Variants in GPC6 observed in about 807,000 individuals in gnomAD.
The protein encoded by GPC6 is glypican 6.
A neutral mutation model predicts 55.2 loss-of-function variants in GPC6; 14 were observed. That is an observed-to-expected ratio of 0.25 (90% confidence interval 0.17 to 0.40). The LOEUF (loss-of-function observed/expected upper bound fraction) is 0.40, where lower values mean the gene tolerates loss of function less well. Ranked by LOEUF, GPC6 falls within the 10% of genes least tolerant of loss-of-function variation. GPC6 has a pLI of 1.00. For synonymous variants in GPC6, 278 were observed against 259.6 expected (o/e 1.07, Z -0.68); for missense variants, 641 against 708.5 (o/e 0.90, Z 1.08).
chr13:94,007,341 A>G (rs903854421), intron 3 of GPC6, among the ~76,000 whole-genome samples: 1 of 152,238 alleles, frequency 6.6e-6, no homozygotes, highest in Admixed American at 6.5e-5. Context: ...AGCAGTGAAC[A>G]GTGAAGACAG....
chr13:94,085,026 T>C (rs1217774317), intron 4 of GPC6, among the ~76,000 whole-genome samples: 1 of 151,866 alleles, frequency 6.6e-6, no homozygotes, highest in East Asian at 1.9e-4. Context: ...ATAATTCATG[T>C]ATAAAAAGAG....
At chr13:93,995,698 A>G (rs1344261477) in intron 3 of GPC6, among the ~76,000 whole-genome samples, 2 of 152,222 alleles carry the variant, frequency 1.3e-5, no homozygotes, top group African/African-American at 4.8e-5. Flanking sequence ...TTACATAATG[A>G]TGGCATAAGA....
At chr13:93,392,456 G>T (rs1875667255) in intron 1 of GPC6, among the ~76,000 whole-genome samples, 1 of 152,114 alleles carries the variant, frequency 6.6e-6, no homozygotes, top group African/African-American at 2.4e-5. Context: ...CCTTAAGGAG[G>T]CCCCTTAATT....
intron 7 of GPC6, among the ~76,000 whole-genome samples, chr13:94,384,757 C>T (rs1880326528): frequency 6.6e-6 from 1 of 152,166 alleles, no homozygotes. Context: ...GGGAATCTCC[C>T]AAATCCTAGC....
At chr13:94,326,270 A>G (rs1877112986) in intron 6 of GPC6, among the ~76,000 whole-genome samples, 1 of 151,460 alleles carries the variant, frequency 6.6e-6, no homozygotes, top group African/African-American at 2.4e-5. Context: ...GAATTATCTT[A>G]CCTTATTTAT....
intron 7 of GPC6, among the ~76,000 whole-genome samples, chr13:94,384,346 G>A (rs1880307023): frequency 6.6e-6 from 1 of 152,192 alleles, no homozygotes; most frequent in African/African-American, 2.4e-5. Flanking sequence ...TTTTCCCGAT[G>A]ACTGTACAGA....
At chr13:93,487,688 A>G (rs941033522) in intron 1 of GPC6, among the ~76,000 whole-genome samples, 11 of 152,224 alleles carry the variant, frequency 7.2e-5, no homozygotes, top group Admixed American at 3.9e-4. Flanking sequence ...GCTGTTCAGG[A>G]AAGAAGTAGG....
chr13:93,435,975 A>G (rs1253992633), intron 1 of GPC6, among the ~76,000 whole-genome samples: 2 of 152,160 alleles, frequency 1.3e-5, no homozygotes, highest in Admixed American at 1.3e-4. Context: ...TGCAGCTCTC[A>G]GAGAAAGTCA....
intron 2 of GPC6, among the ~76,000 whole-genome samples, chr13:93,545,686 A>C (rs1874751561): frequency 6.6e-6 from 1 of 152,100 alleles, no homozygotes; most frequent in African/African-American, 2.4e-5. Flanking sequence ...ATTTAGCTCA[A>C]GTTTTCATTA....
At chr13:93,260,930 G>A (rs1040386017) in intron 1 of GPC6, among the ~76,000 whole-genome samples, 2 of 152,038 alleles carry the variant, frequency 1.3e-5, no homozygotes, top group African/African-American at 2.4e-5. Flanking sequence ...GTTTAATACT[G>A]AATTATAAAA....
At chr13:94,036,213 T>A (rs1246845151) in intron 4 of GPC6, among the ~76,000 whole-genome samples, 1 of 152,084 alleles carries the variant, frequency 6.6e-6, no homozygotes, top group South Asian at 2.1e-4. Flanking sequence ...CCATAGATAC[T>A]TGGTCAGATA....
intron 4 of GPC6, among the ~76,000 whole-genome samples, chr13:94,100,181 T>C (rs1203902037): frequency 6.6e-6 from 1 of 152,166 alleles, no homozygotes; most frequent in African/African-American, 2.4e-5. Flanking sequence ...CAGACTCAAA[T>C]AGGTTAAGCT....
intron 1 of GPC6, among the ~76,000 whole-genome samples, chr13:93,457,862 T>A (rs1374041042): frequency 2.6e-5 from 4 of 152,208 alleles, no homozygotes; most frequent in Non-Finnish European, 5.9e-5. Context: ...GACATCTATT[T>A]CGAAGTCTTG....
intron 1 of GPC6, among the ~76,000 whole-genome samples, chr13:93,463,704 C>T (rs115318273): frequency 1.8e-3 from 277 of 151,922 alleles, no homozygotes; most frequent in African/African-American, 6.2e-3. Flanking sequence ...CATTCTGGAA[C>T]GCCTTTTGAC....
intron 2 of GPC6, among the ~76,000 whole-genome samples, chr13:93,564,385 T>G (rs1875978816): frequency 6.6e-6 from 1 of 152,148 alleles, no homozygotes; most frequent in Non-Finnish European, 1.5e-5. Context: ...ATGAAAATAG[T>G]CTTTGGGAGC....
intron 3 of GPC6, among the ~76,000 whole-genome samples, chr13:93,895,242 A>ATGTGTGTGTGTGTG (rs1875938984): frequency 3.7e-5 from 2 of 54,390 alleles, no homozygotes; most frequent in African/African-American, 1.8e-4. Context: ...GTGTATATAT[A>ATGTGTGTGTGTGTG]TATATATATA....
chr13:94,018,070 A>G (rs150937698), intron 3 of GPC6, among the ~76,000 whole-genome samples: 8 of 152,228 alleles, frequency 5.3e-5, no homozygotes, highest in African/African-American at 1.2e-4. Context: ...ATAAATGTCC[A>G]TTATCATGTT....
intron 3 of GPC6, among the ~76,000 whole-genome samples, chr13:93,871,604 C>T (rs775424562): frequency 2.6e-5 from 4 of 151,954 alleles, no homozygotes; most frequent in East Asian, 1.9e-4. Flanking sequence ...TTTTTTCCAA[C>T]GTCTCTCATG....
chr13:94,282,801 T>G (rs1244497316), intron 4 of GPC6, among the ~76,000 whole-genome samples: 2 of 152,198 alleles, frequency 1.3e-5, no homozygotes, highest in Non-Finnish European at 2.9e-5. Context: ...CAGAAAGTGG[T>G]CTCTTAAATA....
Sources: allele counts gnomAD v4.1 joint callset (sites outside exome capture counted in the v4.1 genomes callset), GRCh38; gene constraint gnomAD v4.1.1; transcripts MANE v1.5; gene names NCBI Gene and HGNC (gene_info 2026-07-23, HGNC 2026-07-21).